MYOM1: variants seen among roughly 807,000 people sequenced by gnomAD.
The protein encoded by MYOM1 is myomesin 1.
A neutral mutation model predicts 205.3 loss-of-function variants in MYOM1; 164 were observed. The ratio of observed to expected loss-of-function variants is 0.80; its 90% confidence interval spans 0.70 to 0.91. The LOEUF (loss-of-function observed/expected upper bound fraction) is 0.91, where lower values mean the gene tolerates loss of function less well. MYOM1 is among the 40% of genes least tolerant of loss of function. The pLI is 0.00. For missense variants in MYOM1, 2,011 were observed against 2,127.3 expected (o/e 0.95, Z 1.08); for synonymous variants, 772 against 789.4 (o/e 0.98, Z 0.37).
At chr18:3,160,744 T>C (rs1362145116) in intron 10 of MYOM1, among the ~76,000 whole-genome samples, 1 of 152,256 alleles carries the variant, frequency 6.6e-6, no homozygotes, top group Non-Finnish European at 1.5e-5. Flanking sequence ...TTTTCAATGC[T>C]CTCACATCAA....
At chr18:3,196,118 A>T (rs2080988029) in intron 2 of MYOM1, among the ~76,000 whole-genome samples, 1 of 152,216 alleles carries the variant, frequency 6.6e-6, no homozygotes, top group African/African-American at 2.4e-5. Flanking sequence ...CAAACTGATG[A>T]TTTAGTAATG....
chr18:3,159,967 C>T (rs1430047122), intron 10 of MYOM1, among the ~76,000 whole-genome samples: 2 of 133,852 alleles, frequency 1.5e-5, no homozygotes, highest in Non-Finnish European at 3.3e-5. Flanking sequence ...CCCTGCCTGC[C>T]TTCCTTCTCT....
intron 20 of MYOM1, among the ~76,000 whole-genome samples, chr18:3,118,121 G>A (rs917156287): frequency 5.9e-5 from 9 of 152,058 alleles, no homozygotes; most frequent in African/African-American, 2.2e-4. Flanking sequence ...TGACCCTCTG[G>A]GCATCATTTA....
At chr18:3,185,270 G>C (rs1321841765) in intron 5 of MYOM1, among the ~76,000 whole-genome samples, 1 of 152,168 alleles carries the variant, frequency 6.6e-6, no homozygotes, top group Non-Finnish European at 1.5e-5. Flanking sequence ...GTACTTAACA[G>C]AATAAATAAA....
chr18:3,199,844 A>G (rs2081044229), intron 2 of MYOM1, among the ~76,000 whole-genome samples: 1 of 151,442 alleles, frequency 6.6e-6, no homozygotes, highest in African/African-American at 2.4e-5. Flanking sequence ...CGTCTCAAAA[A>G]AAAAAAAATT....
At chr18:3,157,756 T>C (rs1429225539) in intron 10 of MYOM1, among the ~76,000 whole-genome samples, 1 of 150,574 alleles carries the variant, frequency 6.6e-6, no homozygotes. Flanking sequence ...TACGATATAG[T>C]GTGAGAAACA....
At chr18:3,092,315 C>A (rs1276466040) in intron 26 of MYOM1, among the ~76,000 whole-genome samples, 1 of 152,106 alleles carries the variant, frequency 6.6e-6, no homozygotes, top group Non-Finnish European at 1.5e-5. Context: ...GCCTCAGGAT[C>A]TTGAGGCTAG....
At chr18:3,081,994 C>T (rs1055947216) in intron 33 of MYOM1, among the ~76,000 whole-genome samples, 5 of 152,086 alleles carry the variant, frequency 3.3e-5, no homozygotes, top group South Asian at 2.1e-4. Flanking sequence ...CAGACCAGGT[C>T]GGGGGTGGGT....
At chr18:3,155,436 G>C (rs542907907) in intron 10 of MYOM1, among the ~76,000 whole-genome samples, 7 of 152,324 alleles carry the variant, frequency 4.6e-5, no homozygotes, top group African/African-American at 1.7e-4. Context: ...GTGTTAGCCA[G>C]GATGGTCTTG....
At chr18:3,118,789 T>C (rs2079643373) in intron 20 of MYOM1, among the ~76,000 whole-genome samples, 2 of 152,194 alleles carry the variant, frequency 1.3e-5, no homozygotes, top group Admixed American at 1.3e-4. Flanking sequence ...AAATACCAAC[T>C]GGCCTCAAGG....
At chr18:3,174,687 C>T (rs896853860) in intron 6 of MYOM1, among the ~76,000 whole-genome samples, 55 of 152,268 alleles carry the variant, frequency 3.6e-4, no homozygotes, top group African/African-American at 1.3e-3. Context: ...CTGGGGGCAA[C>T]CAGGAAATAG....
At chr18:3,070,251 C>A (rs745808112) in intron 37 of MYOM1, among the ~76,000 whole-genome samples, 3 of 152,140 alleles carry the variant, frequency 2.0e-5, no homozygotes, top group Non-Finnish European at 4.4e-5. Context: ...TGGGCTCAGG[C>A]GATCCTCCCA....
chr18:3,151,711 T>C lies in MYOM1; in HGVS notation c.1826A>G (p.Glu609Gly). 6.2e-7 allele frequency: 1 copy of C among 1,613,388 alleles called. No individual in the cohort carries two copies. Among genetic ancestry groups the C allele is most frequent in the Non-Finnish European group, 8.5e-7 (1 of 1,179,482 alleles). The change falls in exon 12 of 38, where the codon GAG (glutamate) becomes GGG (glycine). Residue 609 changes from glutamate to glycine, a missense_variant. By Grantham distance (98) the Glu-to-Gly change is moderately conservative. Transcript: ENST00000356443. Reference protein sequence around the residue: ...SEPVAALDPAEKARLKSRPSA... With the variant: ...SEPVAALDPAGKARLKSRPSA... ...GTGCTTACTTTTAAGTCTAGCTTTC[T>C]CAGCCGGATCCAGAGCAGCCACGGG... is the stretch of plus-strand genomic sequence containing the variant.
At chr18:3,124,967 G>T (rs12968989) in intron 19 of MYOM1, among the ~76,000 whole-genome samples, 29,634 of 152,088 alleles carry the variant, frequency 0.19, 3,072 homozygotes, top group African/African-American at 0.23. Context: ...AAAGAACTTT[G>T]CAAGTCAACA....
intron 19 of MYOM1, among the ~76,000 whole-genome samples, chr18:3,124,232 C>T (rs2079741936): frequency 6.6e-6 from 1 of 151,202 alleles, no homozygotes; most frequent in African/African-American, 2.5e-5. Context: ...CAGACTCACG[C>T]ATATAAGGAA....
chr18:3,201,284 A>G (rs1177101714), intron 2 of MYOM1, among the ~76,000 whole-genome samples: 1 of 152,016 alleles, frequency 6.6e-6, no homozygotes, highest in African/African-American at 2.4e-5. Flanking sequence ...CTGTAATCCC[A>G]GCTACTCAGG....
chr18:3,244,952 A>T, the MYOM1 span, among the ~76,000 whole-genome samples: 2 of 151,564 alleles, frequency 1.3e-5, no homozygotes, highest in African/African-American at 4.8e-5. Context: ...AAAAAATTTA[A>T]AAAGGAAAAA....
intron 31 of MYOM1, among the ~76,000 whole-genome samples, chr18:3,084,670 C>T (rs1373167678): frequency 6.6e-6 from 1 of 152,178 alleles, no homozygotes; most frequent in African/African-American, 2.4e-5. Context: ...AACTGCAAGG[C>T]TTCACATTTC....
intron 27 of MYOM1, among the ~76,000 whole-genome samples, chr18:3,090,283 G>C (rs975514430): frequency 6.8e-6 from 1 of 146,662 alleles, no homozygotes; most frequent in Non-Finnish European, 1.5e-5. Flanking sequence ...GCAGTGGTGC[G>C]ATCTTGGCTC....
Sources: gnomAD v4.1 joint callset for allele counts (sites outside exome capture counted in the v4.1 genomes callset) on GRCh38, gnomAD v4.1.1 for gene constraint, MANE v1.5 for transcripts, NCBI Gene and HGNC (gene_info 2026-07-23, HGNC 2026-07-21) for gene names.